The following EPHA7 variants were observed in gnomAD, a reference collection of about 807,000 sequenced individuals.
The protein encoded by EPHA7 is EPH receptor A7.
A neutral mutation model predicts 112.6 loss-of-function variants in EPHA7; 25 were observed. The ratio of observed to expected loss-of-function variants is 0.22; its 90% CI spans 0.16 to 0.31. EPHA7 has a LOEUF of 0.31. Ranked by LOEUF, EPHA7 falls within the 10% of genes least tolerant of loss-of-function variation. The probability of loss-of-function intolerance (pLI) is 1.00; values close to 1 mark genes in which losing one functional copy is unlikely to be tolerated. For synonymous variants in EPHA7, 437 were observed against 406.5 expected (o/e 1.07, Z -0.90); for missense variants, 962 against 1,212.6 (o/e 0.79, Z 3.07).
intron 3 of EPHA7, among the ~76,000 whole-genome samples, chr6:93,402,628 G>A (rs886244489): frequency 2.6e-5 from 4 of 152,004 alleles, no homozygotes; most frequent in African/African-American, 7.2e-5. Flanking sequence ...GGAGAAAAAT[G>A]TTTTGACATA....
At position 93,410,307 on chromosome 6, in the gene EPHA7, T is replaced by C. The variant is rs985511143; in HGVS notation, c.832+194A>G. ...GTAACAAATTTCATTATCACCTATA[T>C]TGATTACATACACTTAGTGCAGATG... On this transcript the variant is annotated intron_variant, in intron 3 of 16. Coordinates refer to ENST00000369303, the MANE Select transcript of EPHA7 (RefSeq NM_004440.4). The surrounding 1 kb of genome is among the most constrained non-coding windows in gnomAD (Gnocchi z 4.0). 1.7e-6 allele frequency: 1 copy of C among 588,248 alleles called. No homozygotes were observed. 36.4% of individuals were successfully genotyped at this position (588,248 alleles called of 1,614,324 possible).
chr6:93,327,739 A>C (rs1774391268), intron 5 of EPHA7, among the ~76,000 whole-genome samples: 1 of 151,486 alleles, frequency 6.6e-6, no homozygotes, highest in Non-Finnish European at 1.5e-5. Flanking sequence ...CTACCATTCC[A>C]TTGCTACCAC....
At chr6:93,402,026 C>T (rs1412962930) in intron 3 of EPHA7, among the ~76,000 whole-genome samples, 2 of 151,866 alleles carry the variant, frequency 1.3e-5, no homozygotes, top group Non-Finnish European at 2.9e-5. Context: ...TGCCAGAAAC[C>T]GATGCCAATT....
intron 3 of EPHA7, among the ~76,000 whole-genome samples, chr6:93,402,274 T>C (rs1280870017): frequency 6.6e-6 from 1 of 152,058 alleles, no homozygotes; most frequent in African/African-American, 2.4e-5. Context: ...CAAAGATGAC[T>C]AAATATGGGT....
chr6:93,258,672 A>T lies in EPHA7; in HGVS notation c.1925-388T>A, dbSNP rs181076143. 2.7e-3 allele frequency among the ~76,000 whole-genome samples: 404 copies of T among 148,144 alleles called. 17 individuals carry two copies. The East Asian group carries it at 0.068, about 25-fold the overall frequency. On this transcript the variant is annotated intron_variant, in intron 10 of 16. Coordinates refer to ENST00000369303, the MANE Select transcript of EPHA7 (RefSeq NM_004440.4). ...GCTATTATATATTATATATTTAAAAATTTTTTTATATATATTATATTAGTA... is the reference window on the plus strand; with the variant it reads ...GCTATTATATATTATATATTTAAAATTTTTTTTATATATATTATATTAGTA...
intron 1 of EPHA7, among the ~76,000 whole-genome samples, chr6:93,416,805 AC>A (rs1448726321): frequency 3.3e-5 from 5 of 151,896 alleles, no homozygotes; most frequent in Non-Finnish European, 5.9e-5. Context: ...GAGGGGCTAG[AC>A]TGGGGGCGCG....
intron 3 of EPHA7, among the ~76,000 whole-genome samples, chr6:93,398,527 T>C (rs1481906757): frequency 2.0e-5 from 3 of 151,952 alleles, no homozygotes; most frequent in African/African-American, 7.2e-5. Flanking sequence ...TGTAGAATTT[T>C]CTCAAAGATA....
At chr6:93,361,513 GATA>G (rs1352146303) in intron 3 of EPHA7, among the ~76,000 whole-genome samples, 1 of 152,014 alleles carries the variant, frequency 6.6e-6, no homozygotes, top group East Asian at 1.9e-4. Context: ...TACTCAATGA[GATA>G]AAGCAGGGTA....
intron 3 of EPHA7, among the ~76,000 whole-genome samples, chr6:93,389,674 C>T (rs1407903984): frequency 6.6e-6 from 1 of 151,778 alleles, no homozygotes; most frequent in African/African-American, 2.4e-5. Flanking sequence ...AATTTCAATC[C>T]TAAAAATTAT....
At chr6:93,344,912 C>T (rs943996553) in intron 5 of EPHA7, among the ~76,000 whole-genome samples, 1 of 151,574 alleles carries the variant, frequency 6.6e-6, no homozygotes, top group South Asian at 2.1e-4. Flanking sequence ...TATACCTCCA[C>T]TCCTCTTCCC....
Position 93,389,020 on chromosome 6 carries a change from A to C in EPHA7, c.832+21481T>G, listed in dbSNP as rs568309455. Among the ~76,000 whole-genome samples the C allele has an allele frequency of 2.0e-5, 3 of 152,214 alleles. 1 individual carries two copies. Among genetic ancestry groups the C allele is most frequent in the Admixed American group, 2.0e-4 (3 of 15,256 alleles). On this transcript the variant is annotated intron_variant, in intron 3 of 16. Transcript: ENST00000369303. Reference sequence around the variant, plus strand: ...CTACTGACACTCTGTAAGATAGATAAGACACAGACTTAAACCAAAATAGTG... The same window carrying C: ...CTACTGACACTCTGTAAGATAGATACGACACAGACTTAAACCAAAATAGTG...
chr6:93,272,783 T>C (rs1229506457), intron 5 of EPHA7, among the ~76,000 whole-genome samples: 1 of 151,956 alleles, frequency 6.6e-6, no homozygotes. Context: ...TTATTTCACA[T>C]GCAACAGCAA....
At chr6:93,413,062 A>T (rs1395806998) in intron 2 of EPHA7, among the ~76,000 whole-genome samples, 2 of 152,002 alleles carry the variant, frequency 1.3e-5, no homozygotes, top group African/African-American at 4.8e-5. Context: ...TTTCTAAGAC[A>T]TTATGAACAT....
chr6:93,363,989 T>G (rs1304456733), intron 3 of EPHA7, among the ~76,000 whole-genome samples: 2 of 152,138 alleles, frequency 1.3e-5, no homozygotes, highest in Non-Finnish European at 2.9e-5. Context: ...ATATCCTAAA[T>G]AGGCAAATCT....
At chr6:93,245,583 C>G in intron 15 of EPHA7, 130 bp from the exon 16 acceptor site, 1 of 826,070 alleles carries the variant, frequency 1.2e-6, no homozygotes. Flanking sequence ...ATAAAAAATA[C>G]ATCGATATGC....
chr6:93,386,061 A>T (rs1303824880), intron 3 of EPHA7, among the ~76,000 whole-genome samples: 1 of 152,136 alleles, frequency 6.6e-6, no homozygotes, highest in Admixed American at 6.6e-5. Context: ...TGAAATTTGG[A>T]TGGGGACACA....
intron 3 of EPHA7, among the ~76,000 whole-genome samples, chr6:93,366,044 A>T (rs1057238497): frequency 1.3e-5 from 2 of 152,196 alleles, no homozygotes; most frequent in Admixed American, 6.5e-5. Flanking sequence ...TTCAGCTTAG[A>T]ATATGTTAAG....
At chr6:93,382,655 C>T (rs1432077723) in intron 3 of EPHA7, among the ~76,000 whole-genome samples, 2 of 152,050 alleles carry the variant, frequency 1.3e-5, no homozygotes, top group African/African-American at 2.4e-5. Flanking sequence ...CCATTCAGTC[C>T]CCGGTTTACT....
chr6:93,262,686 T>G (rs345726), intron 9 of EPHA7, among the ~76,000 whole-genome samples: 81,891 of 151,026 alleles, frequency 0.54, 22,970 homozygotes, highest in South Asian at 0.78. Flanking sequence ...ATTCAATTTG[T>G]ATTTGTGTTA....
Sources: gnomAD v4.1 joint callset for allele counts (sites outside exome capture counted in the v4.1 genomes callset) on GRCh38, gnomAD v4.1.1 for gene constraint, Gnocchi (gnomAD v3.1) non-coding constraint, MANE v1.5 for transcripts, NCBI Gene and HGNC (gene_info 2026-07-23, HGNC 2026-07-21) for gene names.